The following SCAPER variants were observed in gnomAD, a reference collection of about 807,000 sequenced individuals.
The protein encoded by SCAPER is S-phase cyclin A associated protein in the ER, also known as S phase cyclin A-associated protein in the endoplasmic reticulum.
In SCAPER, 98 loss-of-function variants were observed where a neutral mutation model predicts 182.2. The observed-to-expected ratio is 0.54, with a 90% confidence interval of 0.46 to 0.64. The LOEUF is 0.64. Among genes scored for constraint, SCAPER ranks in the 30% least tolerant of loss-of-function variants. The pLI is 0.00. For synonymous variants in SCAPER, 605 were observed against 564.6 expected, an observed-to-expected ratio of 1.07 and a Z score of -1.01; for missense variants, 1,432 against 1,690.0, an observed-to-expected ratio of 0.85 and a Z score of 2.68.
rs2049889371 is a variant in SCAPER at position 76,600,965 on chromosome 15, C to G, written c.2711+20799G>C. Among the ~76,000 whole-genome samples the G allele has an allele frequency of 3.3e-5, 4 of 120,992 alleles. 2 individuals are homozygous for G. The highest frequency in any genetic ancestry group is 5.0e-5 in the African/African-American group (2 of 39,668). The allele number at this position is 120,992 out of a possible 152,430, so 79.4% of individuals were successfully genotyped here. A position where few individuals can be genotyped will look rare whatever the true frequency, so the allele number is the denominator to read the frequency against. On this transcript the variant is annotated intron_variant, in intron 22 of 31. Transcript: ENST00000563290. ...TTTGGAAAGGACCAATAAAAAACAA[C>G]CTCTGAAAAGTTTACTCAAAAAACA...
intron 5 of SCAPER, among the ~76,000 whole-genome samples, chr15:76,820,765 A>T (rs1040554298): frequency 6.6e-6 from 1 of 151,868 alleles, no homozygotes; most frequent in African/African-American, 2.4e-5. Flanking sequence ...TAAAAAAGAA[A>T]AAAAAAACTC....
At chr15:76,498,763 C>T (rs2040842527) in intron 24 of SCAPER, among the ~76,000 whole-genome samples, 1 of 152,114 alleles carries the variant, frequency 6.6e-6, no homozygotes, top group South Asian at 2.1e-4. Context: ...GCAATATTGC[C>T]AAGTAAAGTC....
At chr15:76,391,191 C>T (rs2043668597) in intron 27 of SCAPER, among the ~76,000 whole-genome samples, 2 of 152,172 alleles carry the variant, frequency 1.3e-5, no homozygotes, top group South Asian at 4.1e-4. Context: ...CTAGAATACC[C>T]TTTGCTTGGG....
intron 23 of SCAPER, among the ~76,000 whole-genome samples, chr15:76,507,965 C>T (rs1460947973): frequency 1.3e-5 from 2 of 152,080 alleles, no homozygotes; most frequent in African/African-American, 2.4e-5. Flanking sequence ...GTGCACTAAT[C>T]GTAATTGTAC....
chr15:76,501,854 C>G (rs1243603796), intron 24 of SCAPER, among the ~76,000 whole-genome samples: 2 of 152,174 alleles, frequency 1.3e-5, no homozygotes, highest in East Asian at 3.8e-4. Flanking sequence ...AGGAGAGCAA[C>G]TGGAAGGAAA....
chr15:76,599,297 TCACA>T (rs2049738350), intron 22 of SCAPER, among the ~76,000 whole-genome samples: 1 of 121,846 alleles, frequency 8.2e-6, no homozygotes, highest in African/African-American at 2.5e-5. Context: ...ACAGGAACTC[TCACA>T]CATTGTTGGA....
chr15:76,766,805 T>C, intron 11 of SCAPER, 113 bp downstream of exon 11: 1 of 834,014 alleles, frequency 1.2e-6, no homozygotes, highest in Non-Finnish European at 1.8e-6. Context: ...AACATGATTT[T>C]TAAATAAATA....
chr15:76,775,226 A>C (rs751304999), intron 8 of SCAPER, 109 bp from the exon 9 acceptor site: 86 of 942,400 alleles, frequency 9.1e-5, no homozygotes, highest in Middle Eastern at 3.2e-4. Flanking sequence ...AAATATAACT[A>C]ATATACAAAC....
At chr15:76,610,653 G>A (rs541889620) in intron 22 of SCAPER, among the ~76,000 whole-genome samples, 1 of 151,544 alleles carries the variant, frequency 6.6e-6, no homozygotes, top group Non-Finnish European at 1.5e-5. Context: ...CTATCTAAAA[G>A]GGAAATTGGA....
At chr15:76,535,466 G>A (rs2044058609) in intron 23 of SCAPER, among the ~76,000 whole-genome samples, 1 of 132,636 alleles carries the variant, frequency 7.5e-6, no homozygotes, top group Non-Finnish European at 1.5e-5. Context: ...AGGTTGCAGT[G>A]AGCTGAGATC....
chr15:76,874,038 G>A (rs991443434), intron 2 of SCAPER, among the ~76,000 whole-genome samples: 3 of 151,872 alleles, frequency 2.0e-5, no homozygotes, highest in Admixed American at 6.6e-5. Flanking sequence ...GATTACAGGC[G>A]CCCAGCACCA....
chr15:76,569,485 T>G (rs930244375), intron 23 of SCAPER, among the ~76,000 whole-genome samples: 1 of 152,142 alleles, frequency 6.6e-6, no homozygotes. Flanking sequence ...ATGAGATTGG[T>G]TTATAATTTT....
In SCAPER at chr15:76,765,023, G is replaced by A; in HGVS notation, c.1663C>T (p.Gln555Ter). 1 of 1,602,932 alleles carries A rather than the reference G, an allele frequency of 6.2e-7. No individual in the cohort carries two copies. The highest frequency in any genetic ancestry group is 8.5e-7 in the Non-Finnish European group (1 of 1,174,942). Residue 555 changes from glutamine to a stop codon, truncating the protein, a stop_gained, in exon 14 of 32, where the codon CAG becomes TAG. Coordinates refer to ENST00000563290, the MANE Select transcript of SCAPER (RefSeq NM_020843.4). LOFTEE classifies it high-confidence loss of function. ...KKHEEKQMKA[Q>*]QLREKLREEK... ...TCGCGTAACTTTTCCCTTAGCTGCT[G>A]TGCTTTCATTTGTTTTTCTTCATGT...
intron 5 of SCAPER, among the ~76,000 whole-genome samples, chr15:76,822,162 G>A (rs960223648): frequency 3.9e-5 from 6 of 152,190 alleles, no homozygotes; most frequent in Non-Finnish European, 8.8e-5. Context: ...ATGGACTTGG[G>A]AATGATAATG....
At chr15:76,851,866 C>T (rs1377337689) in intron 4 of SCAPER, among the ~76,000 whole-genome samples, 1 of 151,944 alleles carries the variant, frequency 6.6e-6, no homozygotes, top group Non-Finnish European at 1.5e-5. Flanking sequence ...GGGCTAAATG[C>T]CCCCACTTAA....
intron 27 of SCAPER, among the ~76,000 whole-genome samples, chr15:76,386,144 G>C (rs2043273199): frequency 6.6e-6 from 1 of 152,098 alleles, no homozygotes; most frequent in Non-Finnish European, 1.5e-5. Flanking sequence ...TGACTTTCTT[G>C]CCTCCCGTCT....
At chr15:76,594,467 T>A (rs2145714902) in intron 22 of SCAPER, among the ~76,000 whole-genome samples, 1 of 120,420 alleles carries the variant, frequency 8.3e-6, no homozygotes, top group Non-Finnish European at 2.0e-5. Context: ...AATTCAGGAA[T>A]TACAGAGAAT....
intron 26 of SCAPER, among the ~76,000 whole-genome samples, chr15:76,425,598 A>C (rs2046365255): frequency 6.6e-6 from 1 of 152,134 alleles, no homozygotes; most frequent in African/African-American, 2.4e-5. Context: ...GATTGTCTGA[A>C]GCCTTCTTCT....
chr15:76,412,238 G>C (rs1468775733), intron 26 of SCAPER, among the ~76,000 whole-genome samples: 5 of 152,014 alleles, frequency 3.3e-5, no homozygotes, highest in Non-Finnish European at 7.4e-5. Flanking sequence ...TGATAGATGG[G>C]GTTATATGAT....
Sources: gnomAD v4.1 joint callset for allele counts (sites outside exome capture counted in the v4.1 genomes callset) on GRCh38, gnomAD v4.1.1 for gene constraint, MANE v1.5 for transcripts, NCBI Gene and HGNC (gene_info 2026-07-23, HGNC 2026-07-21) for gene names.